The following RSPH9 variants were observed in gnomAD, a reference collection of about 807,000 sequenced individuals.
The protein encoded by RSPH9 is radial spoke head component 9, also known as radial spoke head protein 9 homolog.
A neutral mutation model predicts 27.0 loss-of-function variants in RSPH9; 27 were observed. The observed-to-expected ratio is 1.00, with a 90% CI of 0.74 to 1.38. The LOEUF (loss-of-function observed/expected upper bound fraction) is 1.38, where lower values mean the gene tolerates loss of function less well. Among genes scored for constraint, RSPH9 ranks in the 40% most tolerant of loss-of-function variants. The probability of loss-of-function intolerance (pLI) is 0.00; values close to 1 mark genes in which losing one functional copy is unlikely to be tolerated. For missense variants in RSPH9, 347 were observed against 357.4 expected (o/e 0.97, Z 0.24); for synonymous variants, 145 against 147.7 (o/e 0.98, Z 0.13).
At chr6:43,667,026 G>A (rs561601243) in intron 4 of RSPH9, among the ~76,000 whole-genome samples, 2 of 152,278 alleles carry the variant, frequency 1.3e-5, no homozygotes, top group Admixed American at 6.5e-5. Flanking sequence ...TTACAGGCGT[G>A]AGCCAGCACG....
At chr6:43,646,624 A>T (rs1172827889) in intron 1 of RSPH9, among the ~76,000 whole-genome samples, 1 of 147,784 alleles carries the variant, frequency 6.8e-6, no homozygotes, top group African/African-American at 2.5e-5. Context: ...AAAGCAGTCC[A>T]TTCGGCCAGC....
intron 4 of RSPH9, among the ~76,000 whole-genome samples, chr6:43,665,543 G>A (rs1187129331): frequency 6.6e-6 from 1 of 152,230 alleles, no homozygotes. Flanking sequence ...TGGCATCTGG[G>A]CCTGGCAGGT....
At chr6:43,662,599 C>T (rs1177546806) in intron 4 of RSPH9, among the ~76,000 whole-genome samples, 3 of 151,926 alleles carry the variant, frequency 2.0e-5, no homozygotes, top group Non-Finnish European at 4.4e-5. Flanking sequence ...GATCTCCTGA[C>T]CTTGTGATCC....
In RSPH9 at chr6:43,649,980, C is replaced by T. The variant is rs751583389; in HGVS notation, c.228-395C>T. Among the ~76,000 whole-genome samples the T allele has an allele frequency of 3.9e-5, 6 of 152,160 alleles. No individual in the cohort carries two copies. The East Asian group carries it at 5.8e-4, about 15-fold the overall frequency. ...GCTCTGTCACCCAGGCTGGTGCAGT[C>T]GTGGCTCACTGCAACCTCTGCCTCC... On this transcript the variant is annotated intron_variant, in intron 1 of 4. Transcript: ENST00000372163.
chr6:43,655,552 G>GTCTCC lies in RSPH9; in HGVS notation c.394-7_394-3dup. 1 of 1,614,016 alleles carries GTCTCC rather than the reference G, an allele frequency of 6.2e-7. No homozygotes were observed. Among genetic ancestry groups the GTCTCC allele is most frequent in the Non-Finnish European group, 8.5e-7 (1 of 1,179,966 alleles). On this transcript the variant is annotated splice_polypyrimidine_tract_variant and intron_variant, in intron 2 of 4. Coordinates refer to ENST00000372163, the MANE Select transcript of RSPH9 (RefSeq NM_152732.5). ...GCCCTGGCAGGGGGGCTCCTCTCCT[G>GTCTCC]TCTCCTCAGGTCCAGATCAAGGAAG...
Position 43,655,639 on chromosome 6 carries a change from C to G in RSPH9, c.471C>G (p.Gly157=). The G allele has an allele frequency of 6.2e-7, 1 of 1,614,164 alleles. No homozygotes were observed. The highest frequency in any genetic ancestry group is 1.1e-5 in the South Asian group (1 of 91,082). ...AGGCTGTGGCCATCATCCCCCGAGG[C>G]GCCCTCTTCAAGACCCCTTTTGGAC... ...IDKAVAIIPR[G]ALFKTPFGPT... Residue 157 remains glycine, a synonymous_variant, in exon 3 of 5, where the codon GGC becomes GGG. Transcript: ENST00000372163.
Position 43,650,428 on chromosome 6 carries a change from C to G in RSPH9, c.281C>G (p.Ala94Gly), listed in dbSNP as rs142194323. The G allele has an allele frequency of 6.2e-7, 1 of 1,613,882 alleles. No homozygotes were observed. Among genetic ancestry groups the G allele is most frequent in the Admixed American group, 1.7e-5 (1 of 59,982 alleles). The change falls in exon 2 of 5, where the codon GCG (alanine) becomes GGG (glycine). Residue 94 changes from alanine (A) to glycine (G), a missense_variant. Physicochemically the swap from Ala to Gly is moderately conservative, Grantham distance 60. Transcript: ENST00000372163. Reference sequence around the variant, plus strand: ...CCCCCTGCCACAGAGGAGATGGTGGCGCAGTCGTCTGTGGTGAAGGGCCGC... The same window carrying G: ...CCCCCTGCCACAGAGGAGATGGTGGGGCAGTCGTCTGTGGTGAAGGGCCGC... Reference protein sequence around the residue: ...LLPPATEEMVAQSSVVKGRFM... With the variant: ...LLPPATEEMVGQSSVVKGRFM...
At chr6:43,658,256 A>G (rs1561941304) in intron 4 of RSPH9, among the ~76,000 whole-genome samples, 1 of 142,720 alleles carries the variant, frequency 7.0e-6, no homozygotes, top group African/African-American at 2.6e-5. Context: ...GCGCCACTGC[A>G]CTCCAGCCTG....
At chr6:43,648,160 T>C (rs777113905) in intron 1 of RSPH9, among the ~76,000 whole-genome samples, 5 of 151,980 alleles carry the variant, frequency 3.3e-5, no homozygotes, top group African/African-American at 4.8e-5. Flanking sequence ...TCCCAGCTAC[T>C]TGGGAGGCTG....
At chr6:43,667,230 C>T (rs758869172) in intron 4 of RSPH9, among the ~76,000 whole-genome samples, 1 of 152,198 alleles carries the variant, frequency 6.6e-6, no homozygotes, top group Non-Finnish European at 1.5e-5. Flanking sequence ...GAAATGTAAA[C>T]TAGAGGGTGC....
At chr6:43,658,317 A>G (rs1174738232) in intron 4 of RSPH9, among the ~76,000 whole-genome samples, 2 of 151,340 alleles carry the variant, frequency 1.3e-5, no homozygotes, top group Non-Finnish European at 2.9e-5. Context: ...AAAAGAAAAA[A>G]AAAAAAAGAA....
At chr6:43,650,236 C>A in intron 1 of RSPH9, 139 bp from the exon 2 acceptor site, 1 of 1,008,484 alleles carries the variant, frequency 9.9e-7, no homozygotes, top group Non-Finnish European at 1.5e-6. Context: ...TTCTAACAGT[C>A]TCACGACAGC....
rs1252757760 is a variant in RSPH9 at position 43,650,381 on chromosome 6, C to T, written c.234C>T (p.Asn78=). The T allele has an allele frequency of 6.2e-7, 1 of 1,613,248 alleles. No homozygotes were observed. The change falls in exon 2 of 5, where the codon AAC becomes AAT. Residue 78 remains asparagine, a synonymous_variant. Transcript: ENST00000372163. ...LAPRKTLYSL[N]CTEWSLLPPA... ...ATGTGAATATTGTTGGCAGCCTGAACTGCACAGAGTGGAGCCTCTTGCCCC... is the reference window on the plus strand; with the variant it reads ...ATGTGAATATTGTTGGCAGCCTGAATTGCACAGAGTGGAGCCTCTTGCCCC...
Position 43,671,544 on chromosome 6 carries a change from G to A in RSPH9, c.*595G>A, listed in dbSNP as rs558521917. 25 of 596,150 alleles carry A rather than the reference G, an allele frequency of 4.2e-5. No individual in the cohort carries two copies. The highest frequency in any genetic ancestry group is 9.3e-5 in the African/African-American group (5 of 53,788). The allele number at this position is 596,150 out of a possible 1,614,324, so 36.9% of individuals were successfully genotyped here. On this transcript the variant is annotated 3_prime_UTR_variant, in exon 5 of 5. Coordinates refer to ENST00000372163, the MANE Select transcript of RSPH9 (RefSeq NM_152732.5). ...GCCTAAGCCCCATAGCAGCTGGCAA[G>A]GGACCCAACTGCCCTGCCTGCCTCT...
intron 4 of RSPH9, among the ~76,000 whole-genome samples, chr6:43,664,979 AG>A (rs1474910588): frequency 1.3e-5 from 2 of 152,208 alleles, no homozygotes; most frequent in Non-Finnish European, 2.9e-5. Flanking sequence ...TGAGGGCAGC[AG>A]CCCTGTCCCC....
At chr6:43,663,285 C>G (rs1772815045) in intron 4 of RSPH9, among the ~76,000 whole-genome samples, 1 of 151,994 alleles carries the variant, frequency 6.6e-6, no homozygotes, top group Non-Finnish European at 1.5e-5. Flanking sequence ...ATGGCATGAT[C>G]TCAGCTCATT....
intron 2 of RSPH9, among the ~76,000 whole-genome samples, chr6:43,654,357 T>C (rs963280844): frequency 2.0e-5 from 3 of 152,194 alleles, no homozygotes; most frequent in Non-Finnish European, 4.4e-5. Flanking sequence ...GAGAAGGATA[T>C]GAAACAATAT....
intron 4 of RSPH9, among the ~76,000 whole-genome samples, chr6:43,667,232 A>T (rs1487737759): frequency 6.6e-6 from 1 of 152,230 alleles, no homozygotes; most frequent in Non-Finnish European, 1.5e-5. Context: ...AATGTAAACT[A>T]GAGGGTGCCT....
chr6:43,647,056 G>C (rs554014674), intron 1 of RSPH9, among the ~76,000 whole-genome samples: 1 of 151,918 alleles, frequency 6.6e-6, no homozygotes, highest in Non-Finnish European at 1.5e-5. Context: ...GATTGCGCCC[G>C]AGAGTTCAAA....
Sources: allele counts gnomAD v4.1 joint callset (sites outside exome capture counted in the v4.1 genomes callset), GRCh38; gene constraint gnomAD v4.1.1; transcripts MANE v1.5; gene names NCBI Gene and HGNC (gene_info 2026-07-23, HGNC 2026-07-21).